PCDH9: variants seen among roughly 807,000 people sequenced by gnomAD.
PCDH9 encodes protocadherin-9.
In PCDH9, 24 loss-of-function variants were observed where a neutral mutation model predicts 70.6. The observed-to-expected ratio is 0.34, with a 90% CI of 0.25 to 0.48. PCDH9 has a LOEUF of 0.48. PCDH9 is among the 20% of genes least tolerant of loss of function. PCDH9 has a pLI of 0.99. For synonymous variants in PCDH9, 562 were observed against 558.5 expected (o/e 1.01, Z -0.09); for missense variants, 1,281 against 1,503.6 (o/e 0.85, Z 2.45).
In PCDH9 at chr13:66,319,064, C is replaced by T. The variant is rs530948219; in HGVS notation, c.3341-14036G>A. Among the ~76,000 whole-genome samples the T allele has an allele frequency of 1.1e-4, 16 of 152,184 alleles. No individual in the cohort carries two copies. In the East Asian group the frequency reaches 2.1e-3, roughly 20 times the overall value. ...AAGAGGTTTAATTGACTCACAGATC[C>T]GCATGGCTGGGAGGCCTCAGGAAAT... On this transcript the variant is annotated intron_variant, in intron 4 of 4. Transcript: ENST00000377865.
At chr13:66,800,522 G>A (rs771278508) in intron 3 of PCDH9, among the ~76,000 whole-genome samples, 30 of 151,964 alleles carry the variant, frequency 2.0e-4, no homozygotes, top group African/African-American at 6.8e-4. Flanking sequence ...GGCTTTGTCC[G>A]TCTTACTGAC....
intron 3 of PCDH9, among the ~76,000 whole-genome samples, chr13:66,807,441 T>C (rs1164001081): frequency 4.6e-5 from 7 of 152,168 alleles, no homozygotes; most frequent in Non-Finnish European, 8.8e-5. Flanking sequence ...ACAAATATTA[T>C]GGGGTGTTAT....
intron 2 of PCDH9, among the ~76,000 whole-genome samples, chr13:66,908,809 C>T (rs995026783): frequency 1.3e-5 from 2 of 152,052 alleles, no homozygotes; most frequent in East Asian, 3.9e-4. Context: ...AGCTAAAATG[C>T]TCATCAAACT....
At chr13:66,390,501 C>T (rs984737496) in intron 4 of PCDH9, among the ~76,000 whole-genome samples, 9 of 151,962 alleles carry the variant, frequency 5.9e-5, no homozygotes, top group East Asian at 1.9e-4. Context: ...TTTAGGAGGC[C>T]GAGTTGGGTG....
At chr13:66,370,891 G>T (rs1956638888) in intron 4 of PCDH9, among the ~76,000 whole-genome samples, 1 of 151,962 alleles carries the variant, frequency 6.6e-6, no homozygotes. Context: ...TTTTAAAGCT[G>T]TCAACATTTC....
intron 4 of PCDH9, among the ~76,000 whole-genome samples, chr13:66,487,137 C>T (rs1363888919): frequency 6.6e-6 from 1 of 152,106 alleles, no homozygotes; most frequent in Non-Finnish European, 1.5e-5. Flanking sequence ...TATGCATTTG[C>T]AAGTGTTTTG....
chr13:66,939,193 A>T (rs2082966379), intron 2 of PCDH9, among the ~76,000 whole-genome samples: 1 of 152,076 alleles, frequency 6.6e-6, no homozygotes, highest in Non-Finnish European at 1.5e-5. Context: ...ATCACTGTCA[A>T]TCATTAAAAA....
intron 4 of PCDH9, among the ~76,000 whole-genome samples, chr13:66,305,610 A>G (rs1955452366): frequency 1.3e-5 from 2 of 152,114 alleles, no homozygotes; most frequent in Non-Finnish European, 1.5e-5. Context: ...CACATTTTTG[A>G]AAAGTTAAAT....
In PCDH9 at chr13:67,226,529, G is replaced by A; in HGVS notation, c.1912C>T (p.Gln638Ter). ...KSNVSFDREQ[Q>*]SSYTFDVKAT... Reference sequence around the variant, plus strand: ...TTGACATCAAAAGTGTAGGAACTCTGCTGCTCTCTATCAAATGAGACATTT... The same window carrying A: ...TTGACATCAAAAGTGTAGGAACTCTACTGCTCTCTATCAAATGAGACATTT... The change falls in exon 2 of 5, where the codon CAG becomes TAG. Residue 638 changes from glutamine to a stop codon, truncating the protein, a stop_gained. Transcript: ENST00000377865. LOFTEE classifies it high-confidence loss of function. This position sits in a 1 kb window ranked among gnomAD's most constrained non-coding sequence, Gnocchi z 5.0. 6.2e-7 allele frequency: 1 copy of A among 1,613,964 alleles called. No homozygotes were observed. The highest frequency in any genetic ancestry group is 8.5e-7 in the Non-Finnish European group (1 of 1,179,824).
intron 2 of PCDH9, among the ~76,000 whole-genome samples, chr13:67,174,387 G>A (rs1486680124): frequency 6.6e-6 from 1 of 151,984 alleles, no homozygotes; most frequent in Non-Finnish European, 1.5e-5. Flanking sequence ...TTATTAAAAT[G>A]CTCCTGTTTA....
intron 4 of PCDH9, among the ~76,000 whole-genome samples, chr13:66,434,681 G>A (rs1175031786): frequency 6.6e-6 from 1 of 151,906 alleles, no homozygotes; most frequent in African/African-American, 2.4e-5. Flanking sequence ...TTTGTAAGCA[G>A]CACACATATA....
At position 66,953,576 on chromosome 13, in the gene PCDH9, A is replaced by G. The variant is rs537002835; in HGVS notation, c.3037-49971T>C. Among the ~76,000 whole-genome samples, 501 of 152,294 alleles carry G rather than the reference A, an allele frequency of 3.3e-3. 4 individuals carry two copies. The highest frequency in any genetic ancestry group is 0.012 in the African/African-American group (485 of 41,574). On this transcript the variant is annotated intron_variant, in intron 2 of 4. Coordinates refer to ENST00000377865, the MANE Select transcript of PCDH9 (RefSeq NM_203487.3). ...ATTCAAGTGATTGATAACTGTATCA[A>G]TGTTGTCCCTTCTCTCCTGCTTTCC...
chr13:66,488,532 T>A (rs1958983666), intron 4 of PCDH9, among the ~76,000 whole-genome samples: 1 of 151,926 alleles, frequency 6.6e-6, no homozygotes, highest in Non-Finnish European at 1.5e-5. Flanking sequence ...GTGGCACAAG[T>A]ATAAAAACTC....
chr13:67,037,604 T>C (rs2085035582), intron 2 of PCDH9, among the ~76,000 whole-genome samples: 2 of 152,350 alleles, frequency 1.3e-5, no homozygotes, highest in African/African-American at 4.8e-5. Context: ...AGGTTTATGT[T>C]GAGTACACAC....
chr13:66,578,488 A>G (rs1284308277), intron 4 of PCDH9, among the ~76,000 whole-genome samples: 1 of 152,042 alleles, frequency 6.6e-6, no homozygotes, highest in Non-Finnish European at 1.5e-5. Context: ...TGATCATTCT[A>G]CATGTTTGTT....
chr13:66,325,583 C>T (rs1242443190), intron 4 of PCDH9, among the ~76,000 whole-genome samples: 1 of 152,010 alleles, frequency 6.6e-6, no homozygotes, highest in African/African-American at 2.4e-5. Context: ...TAAAGGATGC[C>T]TTCCTGTACA....
Position 66,304,684 on chromosome 13 carries a change from T to C in PCDH9, c.3685A>G (p.Thr1229Ala), listed in dbSNP as rs1306130039. The change falls in exon 5 of 5, where the codon ACT (threonine) becomes GCT (alanine). Residue 1229 changes from threonine to alanine, a missense_variant. Physicochemically the swap from Thr to Ala is moderately conservative, Grantham distance 58 (BLOSUM62 0). Coordinates refer to ENST00000377865, the MANE Select transcript of PCDH9 (RefSeq NM_203487.3). Reference protein sequence around the residue: ...LKSYKQAGGATESPKEHQL With the variant: ...LKSYKQAGGAAESPKEHQL ...AGTTGGTGCTCCTTAGGACTCTCAG[T>C]AGCACCTCCTGCTTGCTTATAAGAC... 6.2e-7 allele frequency: 1 copy of C among 1,612,668 alleles called. No homozygotes were observed.
chr13:66,404,165 T>C (rs76358664), intron 4 of PCDH9, among the ~76,000 whole-genome samples: 2,008 of 152,284 alleles, frequency 0.013, 50 homozygotes, highest in African/African-American at 0.046. Context: ...TTTTATCTCT[T>C]AGAAAGTAGA....
intron 2 of PCDH9, among the ~76,000 whole-genome samples, chr13:67,084,020 A>G (rs1181868091): frequency 6.6e-6 from 1 of 152,170 alleles, no homozygotes; most frequent in East Asian, 1.9e-4. Context: ...ACCCCCAAAC[A>G]TGGAAATGTA....
Sources: allele counts gnomAD v4.1 joint callset (sites outside exome capture counted in the v4.1 genomes callset), GRCh38; gene constraint gnomAD v4.1.1; non-coding constraint Gnocchi (gnomAD v3.1); transcripts MANE v1.5; gene names NCBI Gene and HGNC (gene_info 2026-07-23, HGNC 2026-07-21).